Variants in APLP2 observed in about 807,000 individuals in gnomAD.
The protein encoded by APLP2 is CDEI box-binding protein.
In APLP2, 53 loss-of-function variants were observed where a neutral mutation model predicts 89.9. That is an observed-to-expected ratio of 0.59 (90% CI 0.47 to 0.74). The LOEUF (loss-of-function observed/expected upper bound fraction) is 0.74, where lower values mean the gene tolerates loss of function less well. Ranked by LOEUF, APLP2 falls within the 30% of genes least tolerant of loss-of-function variation. The probability of loss-of-function intolerance (pLI) is 0.00; values close to 1 mark genes in which losing one functional copy is unlikely to be tolerated. For synonymous variants in APLP2, 372 were observed against 348.6 expected, an observed-to-expected ratio of 1.07 and a Z score of -0.75; for missense variants, 973 against 975.9, an observed-to-expected ratio of 1.00 and a Z score of 0.04.
intron 3 of APLP2, among the ~76,000 whole-genome samples, chr11:130,117,418 G>T (rs1949316438): frequency 6.6e-6 from 1 of 152,062 alleles, no homozygotes; most frequent in African/African-American, 2.4e-5. Context: ...CAGTTCTTCA[G>T]TGTTCTGTCA....
chr11:130,091,799 C>T (rs1333453414), intron 1 of APLP2, among the ~76,000 whole-genome samples: 5 of 149,146 alleles, frequency 3.4e-5, no homozygotes, highest in African/African-American at 7.5e-5. Flanking sequence ...CCGGATGGGG[C>T]GGCTGGTCGG....
At chr11:130,099,756 A>T (rs773060390) in intron 1 of APLP2, among the ~76,000 whole-genome samples, 1 of 152,242 alleles carries the variant, frequency 6.6e-6, no homozygotes. Flanking sequence ...TTTGGGAAGG[A>T]TGGCCAGTCA....
At chr11:130,111,966 T>G (rs1948638298) in intron 3 of APLP2, among the ~76,000 whole-genome samples, 1 of 152,326 alleles carries the variant, frequency 6.6e-6, no homozygotes, top group Non-Finnish European at 1.5e-5. Flanking sequence ...TTGTTTGTCC[T>G]TGTCACCTTC....
intron 3 of APLP2, among the ~76,000 whole-genome samples, chr11:130,112,055 A>C (rs1462930764): frequency 6.6e-6 from 1 of 152,056 alleles, no homozygotes; most frequent in Non-Finnish European, 1.5e-5. Flanking sequence ...ATCTCCCTGT[A>C]TGCGGTCAGT....
chr11:130,096,897 T>A (rs77895681), intron 1 of APLP2, among the ~76,000 whole-genome samples: 3,840 of 152,296 alleles, frequency 0.025, 195 homozygotes, highest in East Asian at 0.24. Flanking sequence ...TAATAGCCAG[T>A]GCAGCAAGCA....
In APLP2 at chr11:130,079,824, T is replaced by G. The variant is rs11221945; in HGVS notation, c.105+9742T>G. On this transcript the variant is annotated intron_variant, in intron 1 of 16. Coordinates refer to ENST00000338167, the MANE Select transcript of APLP2 (RefSeq NM_001142276.2). ...TCTGACTTCTCTCAGAGGGAAACTG[T>G]TTTTGCAATTTATATGATACTCGTA... is the stretch of plus-strand genomic sequence containing the variant. Among the ~76,000 whole-genome samples, 16 of 152,350 alleles carry G rather than the reference T, an allele frequency of 1.1e-4. No homozygotes were observed. In the East Asian group the frequency reaches 3.1e-3, roughly 29 times the overall value.
chr11:130,095,951 T>C (rs1946142564), intron 1 of APLP2, among the ~76,000 whole-genome samples: 7 of 151,100 alleles, frequency 4.6e-5, no homozygotes, highest in Admixed American at 4.6e-4. Context: ...CCTCTCCCCT[T>C]GACGAAGTCA....
At chr11:130,138,643 T>C (rs1951941049) in intron 13 of APLP2, 1 of 142,414 alleles carries the variant, frequency 7.0e-6, no homozygotes, top group Admixed American at 7.5e-5. Context: ...TGGAGTGCAG[T>C]GGTGCGGTCT....
chr11:130,120,830 C>CG lies in APLP2; in HGVS notation c.516+18dup, dbSNP rs112755015. 6,307 of 1,589,480 alleles carry CG rather than the reference C, an allele frequency of 4.0e-3. 240 individuals carry two copies. In the African/African-American group the frequency reaches 0.073, roughly 18 times the overall value. ...CGGTAGTCAAAGAGGTAAGAGAACT[C>CG]GGGGGGAAAGTCAGCTGCTGTTGTA... On this transcript the variant is annotated intron_variant, in intron 4 of 16. Transcript: ENST00000338167.
intron 1 of APLP2, among the ~76,000 whole-genome samples, chr11:130,108,349 A>G (rs1376524806): frequency 5.3e-5 from 8 of 152,252 alleles, no homozygotes; most frequent in African/African-American, 1.4e-4. Flanking sequence ...CAAATAACTT[A>G]AACAAATTTA....
chr11:130,123,885 G>A lies in APLP2; in HGVS notation c.1090+106G>A, dbSNP rs1950104890. ...TCTGTGTGGTGTCCCTGCCCACTCG[G>A]GTGTTTGCTGTCGGTCGTCTTCCCC... is the stretch of plus-strand genomic sequence containing the variant. On this transcript the variant is annotated intron_variant, in intron 7 of 16. Coordinates refer to ENST00000338167, the MANE Select transcript of APLP2 (RefSeq NM_001142276.2). This position sits in a 1 kb window ranked among gnomAD's most constrained non-coding sequence, Gnocchi z 4.0. The A allele has an allele frequency of 7.8e-7, 1 of 1,287,336 alleles. No individual in the cohort carries two copies. Among genetic ancestry groups the A allele is most frequent in the East Asian group, 2.3e-5 (1 of 43,000 alleles). 79.7% of individuals were successfully genotyped at this position (1,287,336 alleles called of 1,614,324 possible).
At chr11:130,101,486 C>CCT (rs57833485) in intron 1 of APLP2, 47,455 of 153,530 alleles carry the variant, frequency 0.31, 12,584 homozygotes, top group African/African-American at 0.72. Context: ...GCGCCCAGCC[C>CCT]GTGTGTTTAG....
intron 1 of APLP2, among the ~76,000 whole-genome samples, chr11:130,089,851 G>A (rs1312192457): frequency 6.6e-6 from 1 of 152,090 alleles, no homozygotes; most frequent in East Asian, 1.9e-4. Context: ...TTCACATTTC[G>A]CCTTCTCAGA....
Position 130,079,083 on chromosome 11 carries a change from T to TTTATTTATTTA in APLP2, c.105+9003_105+9004insATTTATTTATT, listed in dbSNP as rs1565548972. The stretch of plus-strand genomic sequence containing the variant: ...AATCCGGGAACATGACATGTATTTT[T>TTTATTTATTTA]TTTATTTATTTATTTATTTATTTAT... On this transcript the variant is annotated intron_variant, in intron 1 of 16. Coordinates refer to ENST00000338167, the MANE Select transcript of APLP2 (RefSeq NM_001142276.2). Among the ~76,000 whole-genome samples the TTTATTTATTTA allele has an allele frequency of 5.8e-3, 761 of 130,754 alleles. 8 individuals are homozygous for TTTATTTATTTA. The highest frequency in any genetic ancestry group is 0.023 in the African/African-American group (715 of 31,010). The allele number at this position is 130,754 out of a possible 152,430, so 85.8% of individuals were successfully genotyped here.
intron 1 of APLP2, chr11:130,101,887 C>T: frequency 2.2e-6 from 1 of 450,340 alleles, no homozygotes; most frequent in Non-Finnish European, 4.4e-6. Context: ...GGATCCTGTC[C>T]AGGCGCCTGC....
At chr11:130,113,075 A>G (rs754431550) in intron 3 of APLP2, among the ~76,000 whole-genome samples, 9 of 152,144 alleles carry the variant, frequency 5.9e-5, no homozygotes, top group Non-Finnish European at 1.2e-4. Context: ...TTGCCATCGC[A>G]CTTATCACAC....
In APLP2 at chr11:130,091,853, C is replaced by T. The variant is rs1295272265; in HGVS notation, c.106-17576C>T. ...CCCACCTCCCTCCCGGACGGGGTGGCTGCCGGGTGGAGACGCTCCTCACTT... is the reference window on the plus strand; with the variant it reads ...CCCACCTCCCTCCCGGACGGGGTGGTTGCCGGGTGGAGACGCTCCTCACTT... On this transcript the variant is annotated intron_variant, in intron 1 of 16. Coordinates refer to ENST00000338167, the MANE Select transcript of APLP2 (RefSeq NM_001142276.2). 7.8e-4 allele frequency among the ~76,000 whole-genome samples: 115 copies of T among 146,574 alleles called. 1 individual carries two copies. Among genetic ancestry groups the T allele is most frequent in the African/African-American group, 3.0e-3 (113 of 38,026 alleles).
At chr11:130,112,420 C>G (rs188033258) in intron 3 of APLP2, among the ~76,000 whole-genome samples, 9,587 of 152,120 alleles carry the variant, frequency 0.063, 318 homozygotes, top group Non-Finnish European at 0.073. Context: ...GCAGGGCCCA[C>G]TGGGCACTAA....
intron 1 of APLP2, among the ~76,000 whole-genome samples, chr11:130,106,809 C>T (rs929193814): frequency 1.3e-5 from 2 of 152,156 alleles, no homozygotes; most frequent in Admixed American, 6.5e-5. Context: ...CTGCCTCAGC[C>T]CCCTGAGTAG....
Sources: allele counts gnomAD v4.1 joint callset (sites outside exome capture counted in the v4.1 genomes callset), GRCh38; gene constraint gnomAD v4.1.1; non-coding constraint Gnocchi (gnomAD v3.1); transcripts MANE v1.5; gene names NCBI Gene and HGNC (gene_info 2026-07-23, HGNC 2026-07-21).